The following DIP2C variants were observed in gnomAD, a reference collection of about 807,000 sequenced individuals.
DIP2C encodes disco-interacting protein 2 homolog C.
A neutral mutation model predicts 192.4 loss-of-function variants in DIP2C; 33 were observed. The ratio of observed to expected loss-of-function variants is 0.17; its 90% confidence interval spans 0.13 to 0.23. The LOEUF is 0.23. Among genes scored for constraint, DIP2C ranks in the 10% least tolerant of loss-of-function variants. The pLI is 1.00. For synonymous variants in DIP2C, 979 were observed against 864.1 expected, an observed-to-expected ratio of 1.13 and a Z score of -2.33; for missense variants, 1,537 against 2,110.1, an observed-to-expected ratio of 0.73 and a Z score of 5.32.
intron 1 of DIP2C, among the ~76,000 whole-genome samples, chr10:597,639 GTT>G (rs952413124): frequency 4.1e-5 from 6 of 147,530 alleles, no homozygotes; most frequent in African/African-American, 1.5e-4. Flanking sequence ...ACAGAAATGA[GTT>G]TGTTTCATGA....
intron 1 of DIP2C, among the ~76,000 whole-genome samples, chr10:640,683 G>T (rs1401152938): frequency 2.0e-5 from 3 of 150,838 alleles, no homozygotes; most frequent in Non-Finnish European, 4.4e-5. Context: ...ATGAGGGTGC[G>T]CGCGGGGAAG....
At chr10:603,695 C>CA (rs1852259322) in intron 1 of DIP2C, among the ~76,000 whole-genome samples, 1 of 152,206 alleles carries the variant, frequency 6.6e-6, no homozygotes, top group African/African-American at 2.4e-5. Flanking sequence ...GGTTACTTTT[C>CA]AAAGGTCTGG....
At chr10:559,266 C>T (rs1453866117) in intron 1 of DIP2C, among the ~76,000 whole-genome samples, 1 of 151,674 alleles carries the variant, frequency 6.6e-6, no homozygotes, top group Non-Finnish European at 1.5e-5. Context: ...GACCCCACGA[C>T]GAGGGTCTAA....
intron 3 of DIP2C, among the ~76,000 whole-genome samples, chr10:460,275 TCTAA>T (rs777270032): frequency 3.9e-5 from 6 of 152,322 alleles, no homozygotes; most frequent in African/African-American, 7.2e-5. Context: ...GAATCTAAGC[TCTAA>T]CTGAGAGTTT....
rs1960211382 is a variant in DIP2C, at chr10:366,378, G to T, written c.2165C>A (p.Pro722His). 1 of 1,614,098 alleles carries T rather than the reference G, an allele frequency of 6.2e-7. No homozygotes were observed. The highest frequency in any genetic ancestry group is 1.7e-5 in the Admixed American group (1 of 59,990). The stretch of plus-strand genomic sequence containing the variant: ...GATCTCATCCGTTCTGCACAGCTGA[G>T]GAACCCCGTCTGGCTTCACTGAACA... ...IMCSVKPDGVPQLCRTDEIGE... is the reference protein window; with the variant it reads ...IMCSVKPDGVHQLCRTDEIGE... Residue 722 changes from proline (P) to histidine (H), a missense_variant, in exon 19 of 37, where the codon CCT becomes CAT. Coordinates refer to ENST00000280886, the MANE Select transcript of DIP2C (RefSeq NM_014974.3).
intron 1 of DIP2C, among the ~76,000 whole-genome samples, chr10:487,518 G>A (rs967867178): frequency 2.0e-5 from 3 of 147,798 alleles, no homozygotes; most frequent in Admixed American, 6.8e-5. Flanking sequence ...GTCTCAACAC[G>A]GAGCCAAGAA....
intron 1 of DIP2C, among the ~76,000 whole-genome samples, chr10:610,637 G>A (rs1588597591): frequency 6.6e-6 from 1 of 152,248 alleles, no homozygotes; most frequent in East Asian, 1.9e-4. Context: ...GTAAGAACGG[G>A]GAGCCAGACA....
intron 3 of DIP2C, among the ~76,000 whole-genome samples, chr10:453,388 GT>G: frequency 6.6e-6 from 1 of 152,214 alleles, no homozygotes; most frequent in Non-Finnish European, 1.5e-5. Context: ...CATCACGAGA[GT>G]AACAAGATTT....
At chr10:528,989 G>T (rs963405186) in intron 1 of DIP2C, among the ~76,000 whole-genome samples, 5 of 152,210 alleles carry the variant, frequency 3.3e-5, no homozygotes, top group Non-Finnish European at 7.3e-5. Flanking sequence ...AGCTGATCAT[G>T]AGACACCTGA....
At chr10:588,520 C>T (rs1851217988) in intron 1 of DIP2C, among the ~76,000 whole-genome samples, 1 of 152,246 alleles carries the variant, frequency 6.6e-6, no homozygotes, top group East Asian at 1.9e-4. Context: ...GTCGCAGCTG[C>T]CTGCGGCTTG....
intron 1 of DIP2C, among the ~76,000 whole-genome samples, chr10:532,489 G>GT (rs573065542): frequency 1.9e-4 from 29 of 152,234 alleles, no homozygotes; most frequent in Admixed American, 1.3e-3. Context: ...AGAAGACCTC[G>GT]TTTCTGTCCA....
At chr10:495,029 AAAC>A (rs1160997132) in intron 1 of DIP2C, among the ~76,000 whole-genome samples, 1 of 152,248 alleles carries the variant, frequency 6.6e-6, no homozygotes, top group Non-Finnish European at 1.5e-5. Context: ...TGTATGGACA[AAAC>A]AAATACTATT....
chr10:505,793 T>A (rs1342369775), intron 1 of DIP2C, among the ~76,000 whole-genome samples: 1 of 151,798 alleles, frequency 6.6e-6, no homozygotes, highest in Admixed American at 6.6e-5. Context: ...TTCCTGTGGG[T>A]GCCCCTGACA....
At chr10:626,513 G>A (rs983929941) in intron 1 of DIP2C, among the ~76,000 whole-genome samples, 7 of 142,768 alleles carry the variant, frequency 4.9e-5, no homozygotes, top group Middle Eastern at 3.5e-3. Flanking sequence ...CCTGGTGTTG[G>A]TCACCATCCT....
chr10:403,782 T>G (rs1470060737), intron 9 of DIP2C, among the ~76,000 whole-genome samples: 3 of 146,922 alleles, frequency 2.0e-5, no homozygotes, highest in Non-Finnish European at 4.5e-5. Flanking sequence ...TGTGTGGTAG[T>G]ATTAGCATTA....
At chr10:512,822 G>T (rs549028193) in intron 1 of DIP2C, among the ~76,000 whole-genome samples, 1 of 149,168 alleles carries the variant, frequency 6.7e-6, no homozygotes, top group Admixed American at 6.7e-5. Flanking sequence ...GCTGAGGGAG[G>T]AGAATCACTT....
intron 26 of DIP2C, 119 bp from the exon 27 acceptor site, chr10:345,229 G>A (rs1178132952): frequency 1.2e-5 from 12 of 998,990 alleles, no homozygotes; most frequent in Admixed American, 6.0e-5. Flanking sequence ...ACGGGCAGAT[G>A]AGGTTACCGA....
chr10:579,539 C>T (rs986694572), intron 1 of DIP2C, among the ~76,000 whole-genome samples: 2 of 152,032 alleles, frequency 1.3e-5, no homozygotes, highest in Admixed American at 6.5e-5. Flanking sequence ...CATCCAGATC[C>T]ATAAAGTGTA....
intron 3 of DIP2C, among the ~76,000 whole-genome samples, chr10:457,838 A>G (rs1371898079): frequency 1.3e-5 from 2 of 152,208 alleles, no homozygotes; most frequent in Admixed American, 6.5e-5. Context: ...TACAGGCGTG[A>G]GCCACTGCAC....
Sources: allele counts gnomAD v4.1 joint callset (sites outside exome capture counted in the v4.1 genomes callset), GRCh38; gene constraint gnomAD v4.1.1; transcripts MANE v1.5; gene names NCBI Gene and HGNC (gene_info 2026-07-23, HGNC 2026-07-21).